Variants in C5orf22 observed in about 807,000 individuals in gnomAD.
C5orf22 encodes UPF0489 protein C5orf22.
A neutral mutation model predicts 48.7 loss-of-function variants in C5orf22; 36 were observed. The ratio of observed to expected loss-of-function variants is 0.74; its 90% CI spans 0.57 to 0.98. C5orf22 has a LOEUF of 0.98. Ranked by LOEUF, C5orf22 falls within the 50% of genes least tolerant of loss-of-function variation. C5orf22 has a pLI of 0.00. For missense variants in C5orf22, 486 were observed against 521.9 expected (o/e 0.93, Z 0.67); for synonymous variants, 141 against 180.8 (o/e 0.78, Z 1.76).
intron 2 of C5orf22, chr5:31,534,944 T>TA (rs1425025472): frequency 4.6e-6 from 2 of 437,106 alleles, no homozygotes; most frequent in Non-Finnish European, 9.1e-6. Context: ...ATCCTTTTAA[T>TA]ATTTGCCTTT....
chr5:31,538,056 A>G (rs1014352936), intron 3 of C5orf22: 7 of 503,706 alleles, frequency 1.4e-5, no homozygotes, highest in Non-Finnish European at 2.5e-5. Flanking sequence ...AGGCAGACTG[A>G]AATGTAGTCT....
intron 2 of C5orf22, 38 bp from the exon 3 acceptor site, chr5:31,535,706 A>AG: frequency 2.0e-6 from 3 of 1,491,094 alleles, no homozygotes; most frequent in Non-Finnish European, 2.7e-6. Context: ...AAAAATAAAA[A>AG]TAAAAGTTTT....
chr5:31,540,847 G>T (rs13183199), intron 4 of C5orf22, 102 bp from the exon 5 acceptor site: 118,643 of 796,344 alleles, frequency 0.15, 9,947 homozygotes, highest in Non-Finnish European at 0.18. Flanking sequence ...TATCTAAGAT[G>T]TTCTTGTATC....
chr5:31,544,990 TTTAGCTTTCAGGA>T (rs1439354871), intron 6 of C5orf22, among the ~76,000 whole-genome samples: 1 of 151,924 alleles, frequency 6.6e-6, no homozygotes, highest in Non-Finnish European at 1.5e-5. Flanking sequence ...TTTTTTTTTT[TTTAGCTTTCAGGA>T]AACAGCCTTT....
At position 31,538,349 on chromosome 5, in the gene C5orf22, TA is replaced by T; in HGVS notation, c.469del (p.Ile157LeufsTer3). 6.2e-7 allele frequency: 1 copy of T among 1,614,022 alleles called. No homozygotes were observed. Among genetic ancestry groups the T allele is most frequent in the Non-Finnish European group, 8.5e-7 (1 of 1,179,872 alleles). ...LENQKPLQLD[V>X]IMVKPYKLCN... ...AACCAAAAACCTTTACAATTGGATG[TA>T]ATTATGGTAAAACCTTATAAACTCT... On this transcript the variant is annotated frameshift_variant, in exon 4 of 9. Transcript: ENST00000325366. LOFTEE classifies it high-confidence loss of function.
rs867391801 is a variant in C5orf22, at chr5:31,538,258, A to G, written c.378-2A>G. On this transcript the variant is annotated splice_acceptor_variant, in intron 3 of 8. Transcript: ENST00000325366. LOFTEE classifies it high-confidence loss of function. ...TAAAAATCGTTTTTTCCTCTGATTC[A>G]GGGTTACAAGTACAGATCATTATTT... is the stretch of plus-strand genomic sequence containing the variant. 27 of 1,564,858 alleles carry G rather than the reference A, an allele frequency of 1.7e-5. No individual in the cohort carries two copies. Among genetic ancestry groups the G allele is most frequent in the East Asian group, 4.5e-5 (2 of 44,230 alleles).
At chr5:31,550,746 G>GGGGATGGCGGCCCAGAGCACCCAGCAC (rs1743204117) in intron 7 of C5orf22, among the ~76,000 whole-genome samples, 1 of 152,128 alleles carries the variant, frequency 6.6e-6, no homozygotes, top group Non-Finnish European at 1.5e-5. Context: ...ATTTTTAGTA[G>GGGGATGGCGGCCCAGAGCACCCAGCAC]AGACGGGGTT....
intron 6 of C5orf22, among the ~76,000 whole-genome samples, 165 bp from the exon 7 acceptor site, chr5:31,545,481 T>G (rs1047201775): frequency 6.6e-6 from 1 of 152,214 alleles, no homozygotes; most frequent in African/African-American, 2.4e-5. Flanking sequence ...CAGGAAACAT[T>G]TATTTCTTAA....
In C5orf22 at chr5:31,538,615, G is replaced by A. The variant is rs943640076; in HGVS notation, c.733G>A (p.Gly245Arg). ...TGEILEILKK[G>R]KAFVLDIDLD... ...GGAAATTCTGGAAATTTTGAAGAAA[G>A]GGAAGGCATTTGTTTTAGATATTGA... The change falls in exon 4 of 9, where the codon GGG (glycine) becomes AGG (arginine). Residue 245 changes from glycine to arginine, a missense_variant. This residue lies in a region of C5orf22 where 408 missense variants were observed against 444.0 expected (regional missense o/e 0.92). Coordinates refer to ENST00000325366, the MANE Select transcript of C5orf22 (RefSeq NM_018356.3). The A allele has an allele frequency of 6.2e-6, 10 of 1,613,960 alleles. 1 individual carries two copies. Among genetic ancestry groups the A allele is most frequent in the Non-Finnish European group, 8.5e-6 (10 of 1,179,994 alleles).
chr5:31,552,656 C>A, intron 8 of C5orf22, 117 bp from the exon 9 acceptor site: 1 of 838,648 alleles, frequency 1.2e-6, no homozygotes, highest in Non-Finnish European at 1.8e-6. Context: ...GATATTAATC[C>A]AAAGTTCAGC....
chr5:31,541,206 T>G, intron 5 of C5orf22, 75 bp from the exon 6 acceptor site: 3 of 1,487,284 alleles, frequency 2.0e-6, no homozygotes, highest in Non-Finnish European at 2.8e-6. Flanking sequence ...TAGAGCCAAG[T>G]TTTTTTTGTA....
Position 31,538,420 on chromosome 5 carries a change from C to A in C5orf22, c.538C>A (p.Pro180Thr), listed in dbSNP as rs889843005. ...ENDAVSSAKK[P>T]KLALEDSENT... ...CGATGCAGTGTCTTCTGCTAAGAAA[C>A]CAAAGCTAGCCCTGGAAGATTCGGA... The change falls in exon 4 of 9, where the codon CCA becomes ACA. Residue 180 changes from proline to threonine, a missense_variant. By Grantham distance (38) the Pro-to-Thr change is conservative (BLOSUM62 -1). Transcript: ENST00000325366. 4 of 1,614,162 alleles carry A rather than the reference C, an allele frequency of 2.5e-6. No homozygotes were observed. Among genetic ancestry groups the A allele is most frequent in the Admixed American group, 1.7e-5 (1 of 60,028 alleles).
chr5:31,548,109 CT>C (rs1743011398), intron 7 of C5orf22, among the ~76,000 whole-genome samples: 1 of 152,144 alleles, frequency 6.6e-6, no homozygotes, highest in African/African-American at 2.4e-5. Flanking sequence ...CAAGACCAAC[CT>C]GGCCAACATG....
At chr5:31,545,856 A>C in intron 7 of C5orf22, 144 bp downstream of exon 7, 1 of 565,276 alleles carries the variant, frequency 1.8e-6, no homozygotes, top group South Asian at 2.5e-5. Context: ...GAAATGAGTG[A>C]AAAAAATACA....
In C5orf22 at chr5:31,545,698, C is replaced by G; in HGVS notation, c.1045C>G (p.Pro349Ala). 6.2e-7 allele frequency: 1 copy of G among 1,603,250 alleles called. No individual in the cohort carries two copies. Among genetic ancestry groups the G allele is most frequent in the South Asian group, 1.1e-5 (1 of 90,302 alleles). ...VQSLKKRMEVPDYEMVHQAGL... is the reference protein window; with the variant it reads ...VQSLKKRMEVADYEMVHQAGL... ...GAGTTTGAAAAAACGGATGGAAGTA[C>G]CAGACTATGAAATGGTAAATATTTT... The change falls in exon 7 of 9, where the codon CCA becomes GCA. Residue 349 changes from proline (P) to alanine (A), a missense_variant. By Grantham distance (27) the Pro-to-Ala change is conservative. Around this residue, in one of 3 missense-constraint regions of C5orf22, gnomAD observed 408 missense variants for 444.0 expected, o/e 0.92. Transcript: ENST00000325366.
At chr5:31,545,056 C>A (rs942996094) in intron 6 of C5orf22, among the ~76,000 whole-genome samples, 4 of 147,286 alleles carry the variant, frequency 2.7e-5, no homozygotes, top group South Asian at 2.1e-4. Flanking sequence ...TCTTGCTAAT[C>A]AAAATAATTT....
rs1561321758 is a variant in C5orf22, at chr5:31,538,655, CA to C, written c.774del (p.Val259SerfsTer30). The C allele has an allele frequency of 6.2e-7, 1 of 1,612,840 alleles. No individual in the cohort carries two copies. The highest frequency in any genetic ancestry group is 1.7e-5 in the Admixed American group (1 of 59,924). ...FVLDIDLDFF[S>X]VKNPFKEMFT... ...TTAGATATTGACTTGGATTTTTTTTCAGTCAAGAATCCCTTCAAAGAAATGT... is the reference window on the plus strand; with the variant it reads ...TTAGATATTGACTTGGATTTTTTTTCGTCAAGAATCCCTTCAAAGAAATGT... On this transcript the variant is annotated frameshift_variant, in exon 4 of 9. Coordinates refer to ENST00000325366, the MANE Select transcript of C5orf22 (RefSeq NM_018356.3). LOFTEE classifies it high-confidence loss of function.
chr5:31,541,308 C>A lies in C5orf22; in HGVS notation c.898C>A (p.Arg300=). ...AGATTTGGTAGATATTGTTGATACT[C>A]GAATTCATCAATTAGAGGATTTAGA... The part of the protein sequence containing the change: ...EEDLVDIVDT[R]IHQLEDLEAT... The change falls in exon 6 of 9, where the codon CGA becomes AGA. Residue 300 remains arginine, a synonymous_variant. Transcript: ENST00000325366. 5 of 1,610,136 alleles carry A rather than the reference C, an allele frequency of 3.1e-6. No homozygotes were observed. Among genetic ancestry groups the A allele is most frequent in the Non-Finnish European group, 4.2e-6 (5 of 1,176,506 alleles).
rs1036079280 is a variant in C5orf22, at chr5:31,541,282, A to G, written c.872A>G (p.Glu291Gly). 4 of 1,610,356 alleles carry G rather than the reference A, an allele frequency of 2.5e-6. No individual in the cohort carries two copies. The African/African-American group carries it at 5.3e-5, about 22-fold the overall frequency. Residue 291 changes from glutamate (E) to glycine (G), a missense_variant and splice_region_variant, in exon 6 of 9, where the codon GAA becomes GGA. By Grantham distance (98) the Glu-to-Gly change is moderately conservative. Transcript: ENST00000325366. ...FKKPGTNLTE[E>G]DLVDIVDTRI... ...CTCAGCTTTTCAATGTATTTAAAGG[A>G]AGATTTGGTAGATATTGTTGATACT...
Sources: allele counts gnomAD v4.1 joint callset (sites outside exome capture counted in the v4.1 genomes callset), GRCh38; gene constraint gnomAD v4.1.1; regional missense constraint gnomAD v4.1.1; transcripts MANE v1.5; gene names NCBI Gene and HGNC (gene_info 2026-07-23, HGNC 2026-07-21).